CDH20: variants seen among roughly 807,000 people sequenced by gnomAD.
The protein encoded by CDH20 is cadherin 20, also known as cadherin-20.
A neutral mutation model predicts 74.2 loss-of-function variants in CDH20; 29 were observed. The observed-to-expected ratio is 0.39, with a 90% confidence interval of 0.29 to 0.53. CDH20 has a LOEUF of 0.53. CDH20 is among the 20% of genes least tolerant of loss of function. CDH20 has a pLI of 0.69. For synonymous variants in CDH20, 469 were observed against 405.4 expected, an observed-to-expected ratio of 1.16 and a Z score of -1.88; for missense variants, 988 against 1,048.3, an observed-to-expected ratio of 0.94 and a Z score of 0.79.
At chr18:61,367,294 C>G (rs568374559) in intron 1 of CDH20, among the ~76,000 whole-genome samples, 1 of 152,156 alleles carries the variant, frequency 6.6e-6, no homozygotes, top group African/African-American at 2.4e-5. Context: ...GAGATGAAAC[C>G]AGCACGAAAG....
At chr18:61,369,330 C>A (rs1193192608) in intron 1 of CDH20, among the ~76,000 whole-genome samples, 2 of 152,072 alleles carry the variant, frequency 1.3e-5, no homozygotes, top group South Asian at 2.1e-4. Flanking sequence ...TGGATCAGAA[C>A]AAAATATCCA....
Position 61,503,076 on chromosome 18 carries a change from T to C in CDH20, c.785T>C (p.Ile262Thr). The C allele has an allele frequency of 6.2e-7, 1 of 1,613,456 alleles. No homozygotes were observed. The highest frequency in any genetic ancestry group is 8.5e-7 in the Non-Finnish European group (1 of 1,179,714). The change falls in exon 5 of 12, where the codon ATC (isoleucine) becomes ACC (threonine). Residue 262 changes from isoleucine to threonine, a missense_variant. Physicochemically the swap from Ile to Thr is moderately conservative, Grantham distance 89. Coordinates refer to ENST00000262717, the MANE Select transcript of CDH20 (RefSeq NM_031891.4). Reference protein sequence around the residue: ...GGLAGTTTVNITLSDVNDNPP... With the variant: ...GGLAGTTTVNTTLSDVNDNPP... ...TTAGCTGGGACCACAACAGTCAACA[T>C]CACCCTCTCAGATGTCAATGATAAC...
intron 6 of CDH20, among the ~76,000 whole-genome samples, chr18:61,522,539 T>C (rs1224910178): frequency 6.6e-6 from 1 of 152,164 alleles, no homozygotes; most frequent in Non-Finnish European, 1.5e-5. Context: ...TACCACTGAC[T>C]TCTTCACAGA....
intron 1 of CDH20, among the ~76,000 whole-genome samples, chr18:61,368,860 C>CAAAAAAAAAAAA (rs1296541435): frequency 1.1e-5 from 1 of 87,906 alleles, no homozygotes; most frequent in Non-Finnish European, 2.4e-5. Context: ...AGTTCTTTTT[C>CAAAAAAAAAAAA]AAAAAAAAAA....
intron 1 of CDH20, among the ~76,000 whole-genome samples, chr18:61,365,675 T>C (rs569286827): frequency 4.6e-5 from 7 of 152,336 alleles, no homozygotes; most frequent in Middle Eastern, 6.8e-3. Flanking sequence ...TGAAATGTTA[T>C]ATTTTCCAAT....
chr18:61,448,774 C>T (rs187712390), intron 1 of CDH20, among the ~76,000 whole-genome samples: 1 of 152,282 alleles, frequency 6.6e-6, no homozygotes, highest in Non-Finnish European at 1.5e-5. Context: ...CTAAATCTCT[C>T]TCTGGAGGCA....
intron 7 of CDH20, among the ~76,000 whole-genome samples, chr18:61,533,319 A>G (rs1912713067): frequency 6.6e-6 from 1 of 151,898 alleles, no homozygotes; most frequent in Non-Finnish European, 1.5e-5. Context: ...CTAAAGAAAG[A>G]AAAAAAAGTG....
At chr18:61,519,948 CAAAAA>C (rs35503974) in intron 6 of CDH20, among the ~76,000 whole-genome samples, 17 of 127,898 alleles carry the variant, frequency 1.3e-4, no homozygotes, top group Non-Finnish European at 1.6e-4. Context: ...AAATGGAAAG[CAAAAA>C]AAAAAAAAAA....
At chr18:61,334,921 C>T (rs1568098715) in intron 1 of CDH20, among the ~76,000 whole-genome samples, 1 of 152,104 alleles carries the variant, frequency 6.6e-6, no homozygotes, top group Non-Finnish European at 1.5e-5. Context: ...GAACCTGCAG[C>T]CGCCTCCCCT....
chr18:61,427,591 A>G (rs1315078741), intron 1 of CDH20, among the ~76,000 whole-genome samples: 1 of 152,252 alleles, frequency 6.6e-6, no homozygotes, highest in East Asian at 1.9e-4. Context: ...GATGACTTTA[A>G]TAACACTGCA....
chr18:61,490,251 T>C (rs1910906990), intron 1 of CDH20, among the ~76,000 whole-genome samples, 151 bp from the exon 2 acceptor site: 1 of 152,184 alleles, frequency 6.6e-6, no homozygotes, highest in Admixed American at 6.5e-5. Context: ...ATAGTATTTA[T>C]TACTCAAACA....
rs117748353 is a variant in CDH20 at position 61,527,662 on chromosome 18, G to A, written c.1018-305G>A. The stretch of plus-strand genomic sequence containing the variant: ...TCTCTAAAGACCAGGCTGATTGAAG[G>A]GTAGACAAGTTAAAGCCAAGTTTGC... On this transcript the variant is annotated intron_variant, in intron 6 of 11. Transcript: ENST00000262717. 2.7e-3 allele frequency among the ~76,000 whole-genome samples: 417 copies of A among 152,144 alleles called. 1 individual carries two copies. The highest frequency in any genetic ancestry group is 4.8e-3 in the Non-Finnish European group (326 of 67,992).
At chr18:61,454,715 A>C (rs533828295) in intron 1 of CDH20, among the ~76,000 whole-genome samples, 1 of 152,258 alleles carries the variant, frequency 6.6e-6, no homozygotes, top group African/African-American at 2.4e-5. Context: ...TTTTATTATA[A>C]GCCACCTCCA....
rs1426365115 is a variant in CDH20, at chr18:61,412,466, C to T, written c.-152-77936C>T. 2.6e-5 allele frequency among the ~76,000 whole-genome samples: 4 copies of T among 152,210 alleles called. No individual in the cohort carries two copies. The East Asian group carries it at 7.7e-4, about 29-fold the overall frequency. ...CATATCTTGTTACTCTTCTAGGAAG[C>T]TGTATTATATAAATACTCAACATGT... On this transcript the variant is annotated intron_variant, in intron 1 of 11. Coordinates refer to ENST00000262717, the MANE Select transcript of CDH20 (RefSeq NM_031891.4).
intron 1 of CDH20, among the ~76,000 whole-genome samples, chr18:61,418,233 C>T (rs1912756263): frequency 6.6e-6 from 1 of 152,124 alleles, no homozygotes; most frequent in South Asian, 2.1e-4. Flanking sequence ...TAATAGGCAA[C>T]CAATTCCATT....
chr18:61,496,694 A>C (rs1452397755), intron 2 of CDH20, among the ~76,000 whole-genome samples: 1 of 152,190 alleles, frequency 6.6e-6, no homozygotes, highest in Non-Finnish European at 1.5e-5. Flanking sequence ...GGATCACGGA[A>C]CAAACAGTTT....
At position 61,538,620 on chromosome 18, in the gene CDH20, GTTTTGTTTTTT is replaced by G. The variant is rs1217520587; in HGVS notation, c.1409-399_1409-389del. ...TGTTTTTGTTTTTGTTTTTGTTTTT[GTTTTGTTTTTT>G]TTTTTGAGACGGAGTCTTACTCTTT... is the stretch of plus-strand genomic sequence containing the variant. On this transcript the variant is annotated intron_variant, in intron 8 of 11. Transcript: ENST00000262717. Among the ~76,000 whole-genome samples the G allele has an allele frequency of 2.6e-4, 11 of 41,566 alleles. No homozygotes were observed. In the South Asian group the frequency reaches 3.9e-3, roughly 15 times the overall value. 27.3% of individuals were successfully genotyped at this position (41,566 alleles called of 152,430 possible). A position where few individuals can be genotyped will look rare whatever the true frequency, so the allele number is the denominator to read the frequency against.
chr18:61,416,429 G>T (rs896141313), intron 1 of CDH20, among the ~76,000 whole-genome samples: 1 of 152,186 alleles, frequency 6.6e-6, no homozygotes, highest in South Asian at 2.1e-4. Flanking sequence ...ATTTCTCACA[G>T]AAATGTAGTC....
At chr18:61,538,353 GA>G in intron 8 of CDH20, among the ~76,000 whole-genome samples, 1 of 152,154 alleles carries the variant, frequency 6.6e-6, no homozygotes, top group East Asian at 1.9e-4. Flanking sequence ...ATGGGAGACT[GA>G]AAACCTCTTT....
Sources: gnomAD v4.1 joint callset for allele counts (sites outside exome capture counted in the v4.1 genomes callset) on GRCh38, gnomAD v4.1.1 for gene constraint, MANE v1.5 for transcripts, NCBI Gene and HGNC (gene_info 2026-07-23, HGNC 2026-07-21) for gene names.